Variants in PFKFB3 observed in about 807,000 individuals in gnomAD.
PFKFB3 encodes the protein 6-phosphofructo-2-kinase/fructose-2,6-bisphosphatase 3.
PFKFB3 carries 33 observed loss-of-function variants against 68.0 expected under a neutral mutation model. The observed-to-expected ratio is 0.49, with a 90% CI of 0.37 to 0.65. PFKFB3 has a LOEUF of 0.65. Ranked by LOEUF, PFKFB3 falls within the 30% of genes least tolerant of loss-of-function variation. The pLI is 0.00. For missense variants in PFKFB3, 586 were observed against 712.2 expected (o/e 0.82, Z 2.02); for synonymous variants, 315 against 288.2 (o/e 1.09, Z -0.94).
the PFKFB3 span, among the ~76,000 whole-genome samples, chr10:6,283,962 C>G: frequency 1.3e-5 from 2 of 152,134 alleles, no homozygotes; most frequent in African/African-American, 2.4e-5. Context: ...CTTATAAAAC[C>G]CATTGCAGCC....
Position 6,210,926 on chromosome 10 carries a change from T to C in PFKFB3, c.77-2697T>C, listed in dbSNP as rs1277002709. The stretch of plus-strand genomic sequence containing the variant: ...GGTTTCGCCGTGTTAGCCAGGATAG[T>C]CTTGATCTCCTGACCTCATGATCCA... On this transcript the variant is annotated intron_variant, in intron 1 of 14. Transcript: ENST00000379775. 2.4e-5 allele frequency among the ~76,000 whole-genome samples: 3 copies of C among 126,656 alleles called. 1 individual carries two copies. The highest frequency in any genetic ancestry group is 8.4e-5 in the Admixed American group (1 of 11,876). 83.1% of individuals were successfully genotyped at this position (126,656 alleles called of 152,430 possible).
At chr10:6,164,631 C>T (rs902301678) in intron 1 of PFKFB3, among the ~76,000 whole-genome samples, 4 of 151,944 alleles carry the variant, frequency 2.6e-5, no homozygotes, top group African/African-American at 7.2e-5. Flanking sequence ...TGGTGGCCGT[C>T]TCTGAGTTCC....
chr10:6,293,992 C>T, the PFKFB3 span: 3 of 526,352 alleles, frequency 5.7e-6, no homozygotes, highest in South Asian at 4.2e-5. Flanking sequence ...TCATGAATCC[C>T]TTGCTTAATT....
chr10:6,210,328 C>T (rs1163206563), intron 1 of PFKFB3, among the ~76,000 whole-genome samples: 1 of 64,232 alleles, frequency 1.6e-5, no homozygotes, highest in Non-Finnish European at 4.9e-5. Flanking sequence ...TCAGGCGCCC[C>T]TCTCTTTGTT....
the PFKFB3 span, among the ~76,000 whole-genome samples, chr10:6,292,720 A>G: frequency 7.9e-4 from 121 of 152,246 alleles, no homozygotes; most frequent in Non-Finnish European, 1.4e-3. Context: ...CCATAGAACT[A>G]AAGTAACATG....
chr10:6,313,030 G>T, the PFKFB3 span, among the ~76,000 whole-genome samples: 1 of 152,144 alleles, frequency 6.6e-6, no homozygotes, highest in East Asian at 1.9e-4. This position sits in a 1 kb window ranked among gnomAD's most constrained non-coding sequence, Gnocchi z 4.2. Context: ...TGAACTGGGG[G>T]GTAGAATACT....
intron 1 of PFKFB3, among the ~76,000 whole-genome samples, chr10:6,180,425 A>G (rs1385155095): frequency 1.3e-5 from 2 of 152,034 alleles, no homozygotes; most frequent in Non-Finnish European, 2.9e-5. Flanking sequence ...TAACATTTCA[A>G]TTTTCTTCAA....
rs1845571119 is a variant in PFKFB3, at chr10:6,229,225, C to T, written c.1515+2860C>T. ...TTTTGGTGGCAAAGGGGTGAAGGGC[C>T]AGAGGATGTACCAGTGTCCTCCATG... On this transcript the variant is annotated intron_variant, in intron 14 of 14. Transcript: ENST00000379775. The surrounding 1 kb of genome is among the most constrained non-coding windows in gnomAD (Gnocchi z 4.3). The T allele has an allele frequency of 2.0e-6, 1 of 488,900 alleles. No homozygotes were observed. Among genetic ancestry groups the T allele is most frequent in the South Asian group, 1.5e-5 (1 of 66,292 alleles). The allele number at this position is 488,900 out of a possible 1,614,324, so 30.3% of individuals were successfully genotyped here.
At chr10:6,197,395 C>T (rs1287323359) in intron 1 of PFKFB3, among the ~76,000 whole-genome samples, 1 of 152,172 alleles carries the variant, frequency 6.6e-6, no homozygotes, top group Non-Finnish European at 1.5e-5. Flanking sequence ...ACAGGCTATA[C>T]CATGTAACCT....
In PFKFB3 at chr10:6,154,335, T is replaced by G. The variant is rs1251552043; in HGVS notation, c.16+9322T>G. ...TTCTCGGCTCACTGCAACCTCTGCC[T>G]CTCGAGTTCAAGCGATCCTCCTGCC... On this transcript the variant is annotated intron_variant, in intron 1 of 14. Coordinates refer to the PFKFB3 transcript ENST00000379789. The surrounding 1 kb of genome is among the most constrained non-coding windows in gnomAD (Gnocchi z 4.6). Among the ~76,000 whole-genome samples the G allele has an allele frequency of 6.6e-6, 1 of 151,498 alleles. No individual in the cohort carries two copies. The highest frequency in any genetic ancestry group is 1.5e-5 in the Non-Finnish European group (1 of 67,954).
Position 6,220,523 on chromosome 10 carries a change from A to T in PFKFB3, c.624-135A>T, listed in dbSNP as rs940446124. 2.2e-5 allele frequency: 16 copies of T among 727,852 alleles called. No homozygotes were observed. Among genetic ancestry groups the T allele is most frequent in the Non-Finnish European group, 3.8e-5 (16 of 426,258 alleles). The allele number at this position is 727,852 out of a possible 1,614,324, so 45.1% of individuals were successfully genotyped here. On this transcript the variant is annotated intron_variant, in intron 7 of 14. Coordinates refer to ENST00000379775, the MANE Select transcript of PFKFB3 (RefSeq NM_004566.4). This position sits in a 1 kb window ranked among gnomAD's most constrained non-coding sequence, Gnocchi z 4.1. ...CGCATATGCTCTGCCCCTTAGAAGG[A>T]TTCAGTCTGTGCCCTGGAGGGGCCT...
intron 1 of PFKFB3, among the ~76,000 whole-genome samples, chr10:6,148,396 C>CTGGG (rs1366099823): frequency 6.7e-4 from 102 of 152,354 alleles, no homozygotes; most frequent in African/African-American, 2.4e-3. Context: ...AGGCAGGAAC[C>CTGGG]ATATCAAGTG....
chr10:6,171,074 C>G (rs374874014), intron 1 of PFKFB3, among the ~76,000 whole-genome samples: 5 of 151,972 alleles, frequency 3.3e-5, no homozygotes, highest in Non-Finnish European at 5.9e-5. Context: ...TCTTGTTGCC[C>G]AGGCTGGAGT....
chr10:6,240,455 G>A (rs1028770741), downstream of PFKFB3, among the ~76,000 whole-genome samples: 1 of 151,942 alleles, frequency 6.6e-6, no homozygotes, highest in Admixed American at 6.6e-5. Flanking sequence ...AGTAGAGATG[G>A]GGTTTCACTG....
intron 14 of PFKFB3, among the ~76,000 whole-genome samples, chr10:6,227,775 G>A (rs920846631): frequency 1.3e-5 from 2 of 152,218 alleles, no homozygotes; most frequent in Admixed American, 1.3e-4. Context: ...GCACATGATA[G>A]GAGCAGGACT....
At chr10:6,177,487 TTTC>T (rs1337748145) in intron 1 of PFKFB3, among the ~76,000 whole-genome samples, 1 of 129,008 alleles carries the variant, frequency 7.8e-6, no homozygotes, top group Middle Eastern at 3.9e-3. Flanking sequence ...TTTCTTTCTT[TTTC>T]TTTTCTTTCT....
chr10:6,236,794 C>T (rs1198511522), downstream of PFKFB3, among the ~76,000 whole-genome samples: 4 of 152,192 alleles, frequency 2.6e-5, no homozygotes, highest in South Asian at 8.3e-4. Context: ...CTGGGCCGGC[C>T]GGGCTGTGGG....
intron 1 of PFKFB3, among the ~76,000 whole-genome samples, chr10:6,207,559 T>C (rs1251470714): frequency 2.0e-5 from 3 of 152,200 alleles, no homozygotes; most frequent in Non-Finnish European, 4.4e-5. Flanking sequence ...CCCAAAGTGC[T>C]GAGGTTACAG....
chr10:6,226,045 G>T (rs1157873144), intron 13 of PFKFB3, 147 bp from the exon 14 acceptor site: 2 of 662,680 alleles, frequency 3.0e-6, no homozygotes, highest in Non-Finnish European at 2.6e-6. Flanking sequence ...AGCAGCCCAT[G>T]GTCCCTGGCC....
Sources: allele counts gnomAD v4.1 joint callset (sites outside exome capture counted in the v4.1 genomes callset), GRCh38; gene constraint gnomAD v4.1.1; non-coding constraint Gnocchi (gnomAD v3.1); transcripts MANE v1.5; gene names NCBI Gene and HGNC (gene_info 2026-07-23, HGNC 2026-07-21).